The following TSGA10IP variants were observed in gnomAD, a reference collection of about 807,000 sequenced individuals.
TSGA10IP encodes testis-specific protein 10-interacting protein.
Under a neutral mutation model 63.2 loss-of-function variants are expected in TSGA10IP, and 64 were observed. That is an observed-to-expected ratio of 1.01 (90% CI 0.83 to 1.25). The LOEUF is 1.25. TSGA10IP is among the 50% of genes most tolerant of loss of function. TSGA10IP has a pLI of 0.00. For synonymous variants in TSGA10IP, 316 were observed against 298.3 expected, an observed-to-expected ratio of 1.06 and a Z score of -0.61; for missense variants, 681 against 710.1, an observed-to-expected ratio of 0.96 and a Z score of 0.47.
intron 6 of TSGA10IP, 95 bp from the exon 7 acceptor site, chr11:65,959,095 C>T (rs1855073951): frequency 1.9e-6 from 3 of 1,562,768 alleles, no homozygotes; most frequent in Middle Eastern, 2.3e-4. Context: ...GGGCTGCTGC[C>T]CTCTGGAATC....
At chr11:65,952,434 GTGGT>G (rs919180784) in intron 4 of TSGA10IP, among the ~76,000 whole-genome samples, 9 of 151,936 alleles carry the variant, frequency 5.9e-5, no homozygotes, top group African/African-American at 2.2e-4. Context: ...GTGTGTGTGT[GTGGT>G]GTGTGTGTGT....
intron 1 of TSGA10IP, among the ~76,000 whole-genome samples, chr11:65,946,425 G>GT (rs200216342): frequency 0.023 from 3,513 of 151,840 alleles, 152 homozygotes; most frequent in African/African-American, 0.08. Flanking sequence ...GCTCGGTCGG[G>GT]TTTTTTTGTT....
chr11:65,946,115 G>T (rs919069310), intron 1 of TSGA10IP, among the ~76,000 whole-genome samples: 2 of 152,190 alleles, frequency 1.3e-5, no homozygotes, highest in African/African-American at 4.8e-5. Context: ...CTTGGTTTCT[G>T]CCTTGGCTGT....
intron 4 of TSGA10IP, among the ~76,000 whole-genome samples, chr11:65,951,211 T>C (rs1389584594): frequency 6.6e-6 from 1 of 152,194 alleles, no homozygotes; most frequent in Non-Finnish European, 1.5e-5. Context: ...CCTTTGAATA[T>C]GTACCCAGAA....
exon 8 of TSGA10IP, chr11:65,959,952 AGGCTTTAT>A (rs758064902): frequency 6.2e-7 from 1 of 1,612,772 alleles, no homozygotes; most frequent in Non-Finnish European, 8.5e-7. Flanking sequence ...ATAAAATTAA[AGGCTTTAT>A]GGCAAACACA....
exon 1 of TSGA10IP, chr11:65,945,685 G>A (rs1854813416): frequency 1.2e-6 from 2 of 1,612,438 alleles, no homozygotes; most frequent in Non-Finnish European, 1.7e-6. Flanking sequence ...GATGGGGCAG[G>A]ACACCGATAT....
In TSGA10IP at chr11:65,959,445, G is replaced by C. The variant is rs559452006; in HGVS notation, c.1547+131G>C. On this transcript the variant is annotated intron_variant, in intron 7 of 7. Coordinates refer to ENST00000532620, the Ensembl canonical transcript of TSGA10IP. ...AGAGCCCAGAGGAAGGCAAGGCCAG[G>C]GTTGTCATTCCTACTTCTCAATGAG... 9 of 1,381,606 alleles carry C rather than the reference G, an allele frequency of 6.5e-6. No individual in the cohort carries two copies. In the East Asian group the frequency reaches 2.3e-4, roughly 35 times the overall value. The allele number at this position is 1,381,606 out of a possible 1,614,324, so 85.6% of individuals were successfully genotyped here.
chr11:65,959,197 C>T (rs747858372), exon 7 of TSGA10IP: 2 of 1,604,192 alleles, frequency 1.2e-6, no homozygotes, highest in South Asian at 2.2e-5. Context: ...CAGGCCAATG[C>T]CCGGCTCACC....
exon 3 of TSGA10IP, chr11:65,947,590 G>C (rs1379629268): frequency 6.2e-7 from 1 of 1,613,922 alleles, no homozygotes; most frequent in African/African-American, 1.3e-5. Context: ...CCACAGAGGA[G>C]GCTGAGGAGG....
Position 65,959,875 on chromosome 11 carries a change from G to A in TSGA10IP, c.1606G>A (p.Glu536Lys). Residue 536 changes from glutamate (E) to lysine (K), a missense_variant, in exon 8 of 8, where the codon GAA becomes AAA. Glu to Lys is a moderately conservative substitution (Grantham distance 56, BLOSUM62 1). Coordinates refer to ENST00000532620, the Ensembl canonical transcript of TSGA10IP. ...CTCTCCTCAGAGGCCCCCAAGGACA[G>A]AACCCACCGGCAGCCAGCCTGACAG... 2.5e-6 allele frequency: 4 copies of A among 1,607,624 alleles called. No homozygotes were observed. In the South Asian group the frequency reaches 3.3e-5, roughly 13 times the overall value.
At chr11:65,951,986 A>C (rs1237811984) in intron 4 of TSGA10IP, among the ~76,000 whole-genome samples, 2 of 151,690 alleles carry the variant, frequency 1.3e-5, no homozygotes, top group African/African-American at 4.8e-5. Context: ...AGTAGCTGGG[A>C]TTACAGACGT....
chr11:65,950,649 G>A (rs866791671), intron 4 of TSGA10IP, among the ~76,000 whole-genome samples: 1 of 151,400 alleles, frequency 6.6e-6, no homozygotes, highest in African/African-American at 2.4e-5. Context: ...TGCAAGCTCC[G>A]CCTCCCGGGT....
exon 7 of TSGA10IP, chr11:65,959,200 G>T: frequency 6.2e-7 from 1 of 1,604,922 alleles, no homozygotes; most frequent in Non-Finnish European, 8.5e-7. Context: ...GCCAATGCCC[G>T]GCTCACCGTC....
chr11:65,959,044 G>A, intron 6 of TSGA10IP, 62 bp downstream of exon 6: 1 of 1,591,602 alleles, frequency 6.3e-7, no homozygotes, highest in Non-Finnish European at 8.6e-7. Context: ...TGAGTGGGTA[G>A]GGAAGCAGGA....
chr11:65,959,962 G>A (rs773279041), exon 8 of TSGA10IP: 1 of 1,611,926 alleles, frequency 6.2e-7, no homozygotes, highest in Admixed American at 1.7e-5. Flanking sequence ...AGGCTTTATG[G>A]CAAACACAGT....
rs192876608 is a variant in TSGA10IP at position 65,947,001 on chromosome 11, C to A, written c.269C>A (p.Ser90Tyr). Residue 90 changes from serine to tyrosine, a missense_variant, in exon 2 of 8, where the codon TCT (serine) becomes TAT (tyrosine). Physicochemically the swap from Ser to Tyr is moderately radical, Grantham distance 144. Coordinates refer to ENST00000532620, the Ensembl canonical transcript of TSGA10IP. ...GGCCAGAGCAAGAAAGGACAGGGCTCTGAAGAGTCTGAAGAGTAAGCAGCA... is the reference window on the plus strand; with the variant it reads ...GGCCAGAGCAAGAAAGGACAGGGCTATGAAGAGTCTGAAGAGTAAGCAGCA... 15 of 1,613,966 alleles carry A rather than the reference C, an allele frequency of 9.3e-6. No homozygotes were observed. In the Admixed American group the frequency reaches 1.8e-4, roughly 20 times the overall value.
At chr11:65,957,183 G>A (rs575874948) in intron 5 of TSGA10IP, among the ~76,000 whole-genome samples, 2 of 151,850 alleles carry the variant, frequency 1.3e-5, no homozygotes, top group African/African-American at 4.8e-5. Context: ...ACAAAGTCTC[G>A]CTCTGTCGCC....
chr11:65,955,648 G>C (rs1855011950), intron 5 of TSGA10IP, among the ~76,000 whole-genome samples: 1 of 151,896 alleles, frequency 6.6e-6, no homozygotes, highest in South Asian at 2.1e-4. Flanking sequence ...TGATGCACGA[G>C]GGCACAGGGG....
intron 3 of TSGA10IP, 34 bp from the exon 4 acceptor site, chr11:65,947,967 A>G (rs776323804): frequency 6.5e-7 from 1 of 1,542,516 alleles, no homozygotes; most frequent in Non-Finnish European, 8.7e-7. Context: ...TGAGAGGGAG[A>G]GGGCAGCCCC....
Sources: gnomAD v4.1 joint callset for allele counts (sites outside exome capture counted in the v4.1 genomes callset) on GRCh38, gnomAD v4.1.1 for gene constraint, MANE v1.5 for transcripts, NCBI Gene and HGNC (gene_info 2026-07-23, HGNC 2026-07-21) for gene names.